Variants in OGG1 observed in about 807,000 individuals in gnomAD.
OGG1 encodes 8-oxoguanine DNA glycosylase.
OGG1 carries 35 observed loss-of-function variants against 42.3 expected under a neutral mutation model. The ratio of observed to expected loss-of-function variants is 0.83; its 90% CI spans 0.63 to 1.10. The LOEUF is 1.10. OGG1 is among the 50% of genes least tolerant of loss of function. The probability of loss-of-function intolerance (pLI) is 0.00; values close to 1 mark genes in which losing one functional copy is unlikely to be tolerated. For synonymous variants in OGG1, 189 were observed against 179.0 expected (o/e 1.06, Z -0.44); for missense variants, 484 against 446.7 (o/e 1.08, Z -0.75).
At chr3:9,760,836 G>A, downstream of OGG1, 1 of 1,601,636 alleles carries the variant, frequency 6.2e-7, no homozygotes, top group Non-Finnish European at 8.5e-7. Context: ...GGAGCACTGG[G>A]GCAGTCTCAG....
downstream of OGG1, chr3:9,761,587 T>C: frequency 6.2e-7 from 1 of 1,613,470 alleles, no homozygotes. Flanking sequence ...CTTCAACTCC[T>C]GGTTCCCCCC....
chr3:9,769,881 G>C (rs1474723551), downstream of OGG1: 1 of 152,230 alleles, frequency 6.6e-6, no homozygotes, highest in Non-Finnish European at 1.5e-5. Flanking sequence ...GGTGGTTGGC[G>C]CCGAGCTGTG....
chr3:9,751,080 C>A lies in OGG1; in HGVS notation c.273C>A (p.Asp91Glu). The change falls in exon 2 of 7, where the codon GAC becomes GAA. Residue 91 changes from aspartate (D) to glutamate (E), a missense_variant. Asp to Glu is a conservative substitution (Grantham distance 45). Coordinates refer to ENST00000344629, the MANE Select transcript of OGG1 (RefSeq NM_002542.6). Reference protein sequence around the residue: ...DKSQASRPTPDELEAVRKYFQ... With the variant: ...DKSQASRPTPEELEAVRKYFQ... ...GCCAGGCTAGCAGGCCCACACCAGA[C>A]GAGCTGGAGGCCGTGCGCAAGTACT... is the stretch of plus-strand genomic sequence containing the variant. 6.2e-7 allele frequency: 1 copy of A among 1,614,050 alleles called. No homozygotes were observed. Among genetic ancestry groups the A allele is most frequent in the South Asian group, 1.1e-5 (1 of 91,062 alleles).
chr3:9,787,794 G>A (rs1388284541), exon 4 of OGG1: 1 of 1,055,804 alleles, frequency 9.5e-7, no homozygotes, highest in Admixed American at 2.4e-5. Context: ...GCAGCACAAA[G>A]GAGAGACTGA....
At chr3:9,774,408 C>CAA (rs35674476) in intron 2 of OGG1, among the ~76,000 whole-genome samples, 31 of 117,118 alleles carry the variant, frequency 2.6e-4, no homozygotes, top group African/African-American at 9.3e-4. Context: ...GACTCTGTCT[C>CAA]AAAAAAAAAA....
chr3:9,758,584 A>G (rs2077697193), downstream of OGG1: 1 of 156,304 alleles, frequency 6.4e-6, no homozygotes, highest in South Asian at 1.9e-4. Flanking sequence ...CAGCCTCCTA[A>G]TGCGTCACCC....
At chr3:9,761,435 GCCTACCATGGCCAAGC>G, downstream of OGG1, 1 of 1,595,040 alleles carries the variant, frequency 6.3e-7, no homozygotes. Context: ...TGGAGCCACA[GCCTACCATGGCCAAGC>G]CCCACTTACA....
At chr3:9,780,226 GCCACGGCCCTCT>G in intron 2 of OGG1, 1 of 968,702 alleles carries the variant, frequency 1.0e-6, no homozygotes, top group Non-Finnish European at 1.5e-6. Context: ...CAGGGGAAGG[GCCACGGCCCTCT>G]AGAGACTGCC....
At chr3:9,750,478 A>G (rs2125527392) in intron 1 of OGG1, 55 bp downstream of exon 1, 1 of 1,608,990 alleles carries the variant, frequency 6.2e-7, no homozygotes. Context: ...TGCCGCCTCA[A>G]CACTGCCTGG....
Position 9,751,793 on chromosome 3 carries a change from C to G in OGG1, c.409C>G (p.Pro137Ala). 1 of 1,614,176 alleles carries G rather than the reference C, an allele frequency of 6.2e-7. No individual in the cohort carries two copies. The highest frequency in any genetic ancestry group is 8.5e-7 in the Non-Finnish European group (1 of 1,180,044). Reference protein sequence around the residue: ...FQGVRLLRQDPIECLFSFICS... With the variant: ...FQGVRLLRQDAIECLFSFICS... ...AGGTGTGCGACTGCTGCGACAAGAC[C>G]CCATCGAATGCCTTTTCTCTTTTAT... The change falls in exon 3 of 7, where the codon CCC becomes GCC. Residue 137 changes from proline to alanine, a missense_variant. Coordinates refer to ENST00000344629, the MANE Select transcript of OGG1 (RefSeq NM_002542.6).
intron 3 of OGG1, 124 bp from the exon 4 acceptor site, chr3:9,754,580 G>A: frequency 1.0e-6 from 1 of 978,492 alleles, no homozygotes; most frequent in Non-Finnish European, 1.6e-6. Flanking sequence ...TCCCATAGAG[G>A]GTGGGGAGGT....
downstream of OGG1, chr3:9,760,910 C>G: frequency 7.9e-7 from 1 of 1,265,154 alleles, no homozygotes; most frequent in African/African-American, 1.5e-5. Context: ...TGCCTGCTCA[C>G]TCCTGTTCTA....
At chr3:9,789,613 A>G, downstream of OGG1, 1 of 1,613,848 alleles carries the variant, frequency 6.2e-7, no homozygotes, top group Non-Finnish European at 8.5e-7. Context: ...GAAGCCCAGA[A>G]CCTGCAGGGA....
At chr3:9,759,486 A>C, downstream of OGG1, 1 of 1,614,122 alleles carries the variant, frequency 6.2e-7, no homozygotes, top group South Asian at 1.1e-5. Flanking sequence ...ATATGGACTC[A>C]CCTTCCACTT....
At chr3:9,762,839 A>G in intron 7 of OGG1, 3 of 1,496,514 alleles carry the variant, frequency 2.0e-6, no homozygotes, top group Non-Finnish European at 2.8e-6. Context: ...AAAGTTGCCC[A>G]AGGTCAGACA....
chr3:9,752,049 C>A, intron 3 of OGG1, 100 bp downstream of exon 3: 1 of 1,174,826 alleles, frequency 8.5e-7, no homozygotes, highest in Admixed American at 1.9e-5. Flanking sequence ...CCTTCCCAAA[C>A]ACTTCCCCTA....
At chr3:9,752,385 ATACATAC>A (rs2077344162) in intron 3 of OGG1, among the ~76,000 whole-genome samples, 1 of 152,132 alleles carries the variant, frequency 6.6e-6, no homozygotes, top group Admixed American at 6.5e-5. Flanking sequence ...AGAAAGGAAT[ATACATAC>A]TGCACCTAGC....
chr3:9,786,991 G>C, intron 3 of OGG1: 1 of 1,608,322 alleles, frequency 6.2e-7, no homozygotes, highest in African/African-American at 1.3e-5. Flanking sequence ...TCCTCTTTTG[G>C]GTTAGGCTGC....
At chr3:9,765,763 G>A in intron 7 of OGG1, 3 of 1,613,974 alleles carry the variant, frequency 1.9e-6, no homozygotes, top group Non-Finnish European at 2.5e-6. Context: ...ACGCACTTGT[G>A]CAGGACAGCA....
Sources: gnomAD v4.1 joint callset for allele counts (sites outside exome capture counted in the v4.1 genomes callset) on GRCh38, gnomAD v4.1.1 for gene constraint, MANE v1.5 for transcripts, NCBI Gene and HGNC (gene_info 2026-07-23, HGNC 2026-07-21) for gene names.